Variants in ALMS1 observed in about 807,000 individuals in gnomAD.
ALMS1 encodes centrosome-associated protein ALMS1.
A neutral mutation model predicts 352.2 loss-of-function variants in ALMS1; 271 were observed. The ratio of observed to expected loss-of-function variants is 0.77; its 90% confidence interval spans 0.70 to 0.85. The LOEUF is 0.85. Among genes scored for constraint, ALMS1 ranks in the 40% least tolerant of loss-of-function variants. ALMS1 has a pLI of 0.00. For missense variants in ALMS1, 5,445 were observed against 4,870.7 expected (o/e 1.12, Z -3.51); for synonymous variants, 1,865 against 1,761.2 (o/e 1.06, Z -1.48).
chr2:73,607,810 A>ATT (rs537392249), intron 21 of ALMS1, among the ~76,000 whole-genome samples: 20 of 131,472 alleles, frequency 1.5e-4, no homozygotes, highest in African/African-American at 4.8e-4. Flanking sequence ...TGCCCACCTA[A>ATT]TTTTTTTTTT....
At chr2:73,488,591 TC>T (rs1408875879) in intron 9 of ALMS1, among the ~76,000 whole-genome samples, 5 of 152,120 alleles carry the variant, frequency 3.3e-5, no homozygotes, top group African/African-American at 1.2e-4. Flanking sequence ...TGTTCCTGGC[TC>T]CCACCACCTC....
chr2:73,552,526 A>G (rs1432132191), intron 13 of ALMS1, among the ~76,000 whole-genome samples: 1 of 152,218 alleles, frequency 6.6e-6, no homozygotes, highest in Non-Finnish European at 1.5e-5. Context: ...CAAAGAACTC[A>G]CCAGCTTTAC....
chr2:73,470,192 T>C (rs1672439980), intron 9 of ALMS1: 1 of 151,826 alleles, frequency 6.6e-6, no homozygotes, highest in African/African-American at 2.4e-5. Context: ...TTTTTATTTC[T>C]GCTCTAATTT....
rs533187357 is a variant in ALMS1, at chr2:73,591,150, G to A, written c.11548-8251G>A. Among the ~76,000 whole-genome samples, 3 of 151,934 alleles carry A rather than the reference G, an allele frequency of 2.0e-5. No homozygotes were observed. The East Asian group carries it at 5.8e-4, about 29-fold the overall frequency. On this transcript the variant is annotated intron_variant, in intron 16 of 22. Transcript: ENST00000613296. ...AGCTTAATTACATTGTGTTAATATT[G>A]GAATAAATAATATTGTTATGTATTT...
intron 9 of ALMS1, among the ~76,000 whole-genome samples, chr2:73,461,067 G>C (rs933881003): frequency 3.9e-5 from 6 of 152,232 alleles, no homozygotes; most frequent in African/African-American, 1.2e-4. Context: ...AAATGTCCCT[G>C]TCTGACAGCT....
intron 11 of ALMS1, among the ~76,000 whole-genome samples, chr2:73,528,828 A>AT (rs1181871288): frequency 3.3e-5 from 5 of 151,148 alleles, no homozygotes; most frequent in Non-Finnish European, 7.4e-5. Flanking sequence ...CTCTGACTGT[A>AT]TTTTCAAATA....
Position 73,580,436 on chromosome 2 carries a change from T to C in ALMS1, c.11547+7012T>C, listed in dbSNP as rs1274107772. 2.0e-5 allele frequency among the ~76,000 whole-genome samples: 3 copies of C among 152,238 alleles called. No homozygotes were observed. The East Asian group carries it at 5.8e-4, about 29-fold the overall frequency. On this transcript the variant is annotated intron_variant, in intron 16 of 22. Transcript: ENST00000613296. ...GATTCCTCTTTGTCTTCATTGATATTCTCTTTGTTGAGACATTGTTCTCAT... is the reference window on the plus strand; with the variant it reads ...GATTCCTCTTTGTCTTCATTGATATCCTCTTTGTTGAGACATTGTTCTCAT...
intron 9 of ALMS1, among the ~76,000 whole-genome samples, chr2:73,466,805 T>A (rs558193129): frequency 6.6e-6 from 1 of 152,228 alleles, no homozygotes; most frequent in East Asian, 1.9e-4. Context: ...TACTAGGACC[T>A]TCATGACTGA....
chr2:73,520,081 T>A, intron 11 of ALMS1, 65 bp downstream of exon 11: 2 of 1,603,852 alleles, frequency 1.2e-6, no homozygotes, highest in South Asian at 1.1e-5. Flanking sequence ...TCTTAGAAAT[T>A]TGTGGTTGTG....
At chr2:73,600,921 T>G (rs1675669791) in intron 18 of ALMS1, 40 bp downstream of exon 18, 3 of 1,593,400 alleles carry the variant, frequency 1.9e-6, no homozygotes, top group Admixed American at 1.7e-5. Flanking sequence ...GAGAAACTAG[T>G]GAATTTCAAG....
chr2:73,465,494 G>T (rs1360043458), intron 9 of ALMS1, among the ~76,000 whole-genome samples: 2 of 152,118 alleles, frequency 1.3e-5, no homozygotes, highest in Non-Finnish European at 2.9e-5. Flanking sequence ...AATTCAAGAT[G>T]GATTAAAGAC....
At chr2:73,564,819 AC>A (rs1323577690) in intron 15 of ALMS1, among the ~76,000 whole-genome samples, 5 of 152,206 alleles carry the variant, frequency 3.3e-5, no homozygotes, top group African/African-American at 1.2e-4. Flanking sequence ...CAGTAAGAAA[AC>A]TGCCTGTTTT....
intron 16 of ALMS1, among the ~76,000 whole-genome samples, chr2:73,582,768 G>T (rs1284526667): frequency 6.6e-6 from 1 of 152,026 alleles, no homozygotes; most frequent in African/African-American, 2.4e-5. Flanking sequence ...TTGTTTTTCT[G>T]TTATTCATTG....
chr2:73,579,841 G>A (rs1414972196), intron 16 of ALMS1, among the ~76,000 whole-genome samples: 1 of 152,090 alleles, frequency 6.6e-6, no homozygotes, highest in African/African-American at 2.4e-5. Context: ...ATTATAACAT[G>A]TCTCAGTGTG....
intron 11 of ALMS1, among the ~76,000 whole-genome samples, chr2:73,521,859 A>G (rs1220464467): frequency 6.6e-6 from 1 of 152,196 alleles, no homozygotes; most frequent in Admixed American, 6.5e-5. Context: ...AATCGATATT[A>G]TTTGGTTTAG....
chr2:73,596,325 A>G (rs1354740352), intron 16 of ALMS1, among the ~76,000 whole-genome samples: 1 of 152,012 alleles, frequency 6.6e-6, no homozygotes, highest in Non-Finnish European at 1.5e-5. Flanking sequence ...TTGCATAGGG[A>G]TATTTAATTG....
chr2:73,480,491 T>C (rs1388923182), intron 9 of ALMS1, among the ~76,000 whole-genome samples: 9 of 152,208 alleles, frequency 5.9e-5, no homozygotes, highest in Non-Finnish European at 2.9e-5. Context: ...GACATTTGGA[T>C]TGGTTCCAAG....
At chr2:73,541,125 A>G (rs1024444320) in intron 12 of ALMS1, among the ~76,000 whole-genome samples, 14 of 152,210 alleles carry the variant, frequency 9.2e-5, no homozygotes, top group Non-Finnish European at 1.8e-4. Flanking sequence ...GTTGGAAGTA[A>G]AGCACTCCTC....
At chr2:73,469,688 T>C (rs1672429595) in intron 9 of ALMS1, 3 of 151,816 alleles carry the variant, frequency 2.0e-5, no homozygotes, top group Admixed American at 6.6e-5. Context: ...GATAATGACA[T>C]TGTGGTTATA....
Sources: allele counts gnomAD v4.1 joint callset (sites outside exome capture counted in the v4.1 genomes callset), GRCh38; gene constraint gnomAD v4.1.1; transcripts MANE v1.5; gene names NCBI Gene and HGNC (gene_info 2026-07-23, HGNC 2026-07-21).